Variants in ADGRL1 observed in about 807,000 individuals in gnomAD.
The protein encoded by ADGRL1 is CIRL-1.
ADGRL1 carries 31 observed loss-of-function variants against 148.9 expected under a neutral mutation model. The ratio of observed to expected loss-of-function variants is 0.21; its 90% confidence interval spans 0.16 to 0.28. The LOEUF is 0.28. Among genes scored for constraint, ADGRL1 ranks in the 10% least tolerant of loss-of-function variants. The pLI is 1.00. For synonymous variants in ADGRL1, 937 were observed against 900.3 expected (o/e 1.04, Z -0.73); for missense variants, 1,521 against 2,058.8 (o/e 0.74, Z 5.05).
intron 1 of ADGRL1, among the ~76,000 whole-genome samples, chr19:14,186,813 G>T (rs984055485): frequency 3.5e-4 from 54 of 152,172 alleles, no homozygotes; most frequent in Admixed American, 3.1e-3. Flanking sequence ...CAACATTCCA[G>T]TTCCAGTCCC....
chr19:14,161,749 G>T lies in ADGRL1; in HGVS notation c.1196-123C>A, dbSNP rs1313642963. 6.0e-6 allele frequency: 4 copies of T among 662,668 alleles called. No homozygotes were observed. The highest frequency in any genetic ancestry group is 6.7e-6 in the Non-Finnish European group (3 of 448,198). The allele number at this position is 662,668 out of a possible 1,614,324, so 41.0% of individuals were successfully genotyped here. A position where few individuals can be genotyped will look rare whatever the true frequency, so the allele number is the denominator to read the frequency against. On this transcript the variant is annotated intron_variant, in intron 5 of 22. Transcript: ENST00000361434. This position sits in a 1 kb window ranked among gnomAD's most constrained non-coding sequence, Gnocchi z 4.4. ...TCTACTGAAGTGGAAACACGTGCCGGGCCCCACTGGGTCTATGAGTTGATC... is the reference window on the plus strand; with the variant it reads ...TCTACTGAAGTGGAAACACGTGCCGTGCCCCACTGGGTCTATGAGTTGATC...
intron 1 of ADGRL1, among the ~76,000 whole-genome samples, chr19:14,185,627 G>C (rs1331414675): frequency 6.6e-6 from 1 of 152,140 alleles, no homozygotes; most frequent in African/African-American, 2.4e-5. Flanking sequence ...GCCCTGAAGC[G>C]TGGGAACCCC....
chr19:14,153,582 ATTTTTTTT>A (rs34163270), intron 18 of ADGRL1, among the ~76,000 whole-genome samples: 1 of 128,434 alleles, frequency 7.8e-6, no homozygotes, highest in African/African-American at 3.0e-5. Context: ...CACCTGGCTA[ATTTTTTTT>A]TTTTTTTTTG....
At position 14,155,013 on chromosome 19, in the gene ADGRL1, T is replaced by G. The variant is rs992549242; in HGVS notation, c.3294+346A>C. On this transcript the variant is annotated intron_variant, in intron 18 of 22. Coordinates refer to ENST00000361434, the MANE Select transcript of ADGRL1 (RefSeq NM_014921.5). This position sits in a 1 kb window ranked among gnomAD's most constrained non-coding sequence, Gnocchi z 5.0. ...ACAATTCTTTCCAGAACTATGAATG[T>G]AGGCAGTGCTCCCTCAGGGTGGCTC... The G allele has an allele frequency of 5.7e-6, 1 of 174,496 alleles. No homozygotes were observed. The highest frequency in any genetic ancestry group is 2.4e-5 in the African/African-American group (1 of 42,152). The allele number at this position is 174,496 out of a possible 1,614,324, so 10.8% of individuals were successfully genotyped here. A position where few individuals can be genotyped will look rare whatever the true frequency, so the allele number is the denominator to read the frequency against.
In ADGRL1 at chr19:14,158,554, TGGTGAGA is replaced by T; in HGVS notation, c.2150-9_2150-3del. On this transcript the variant is annotated splice_polypyrimidine_tract_variant and splice_region_variant and intron_variant, in intron 11 of 22. Transcript: ENST00000361434. ...GGATGAAGACAACTTTGACCACCCC[TGGTGAGA>T]ACAGGCACGTTTGGATGTGTCAGCA... 2 of 1,612,888 alleles carry T rather than the reference TGGTGAGA, an allele frequency of 1.2e-6. No individual in the cohort carries two copies. The highest frequency in any genetic ancestry group is 1.7e-6 in the Non-Finnish European group (2 of 1,179,210).
intron 4 of ADGRL1, among the ~76,000 whole-genome samples, chr19:14,167,277 G>A (rs1184918500): frequency 6.6e-6 from 1 of 152,024 alleles, no homozygotes; most frequent in Non-Finnish European, 1.5e-5. Context: ...CAGTCAGAGG[G>A]ACGAGGGGGA....
chr19:14,187,191 T>A (rs1971624612), intron 1 of ADGRL1, among the ~76,000 whole-genome samples: 1 of 151,916 alleles, frequency 6.6e-6, no homozygotes, highest in East Asian at 1.9e-4. Flanking sequence ...ACCAAAAAAT[T>A]AGCCGGGCGT....
At chr19:14,205,103 G>C (rs577291495) in intron 1 of ADGRL1, among the ~76,000 whole-genome samples, 1 of 152,144 alleles carries the variant, frequency 6.6e-6, no homozygotes, top group South Asian at 2.1e-4. Context: ...GCACTGGAGA[G>C]ATACCTGGGA....
At chr19:14,166,223 G>A (rs1047264370) in intron 4 of ADGRL1, among the ~76,000 whole-genome samples, 10 of 144,698 alleles carry the variant, frequency 6.9e-5, no homozygotes, top group East Asian at 2.1e-4. Context: ...CCCCAACCAC[G>A]AGGCCCGCCC....
Position 14,151,374 on chromosome 19 carries a change from G to A in ADGRL1, c.3909C>T (p.Pro1303=), listed in dbSNP as rs753785342. 2 of 1,602,380 alleles carry A rather than the reference G, an allele frequency of 1.2e-6. No individual in the cohort carries two copies. Among genetic ancestry groups the A allele is most frequent in the Non-Finnish European group, 1.7e-6 (2 of 1,175,286 alleles). Residue 1303 remains proline, a synonymous_variant, in exon 23 of 23, where the codon CCC becomes CCT. Transcript: ENST00000361434. The part of the protein sequence containing the change: ...SAAKGPPPPE[P]PVPPVPGGGG... ...CGCCCCCTGGCACAGGTGGCACAGG[G>A]GGCTCAGGCGGTGGAGGGCCCTTGG...
At chr19:14,203,631 A>AAG (rs1568246594) in intron 1 of ADGRL1, among the ~76,000 whole-genome samples, 1 of 127,946 alleles carries the variant, frequency 7.8e-6, no homozygotes, top group Non-Finnish European at 1.7e-5. Context: ...GGGTCCTCCA[A>AAG]GGCCCCCCAG....
Position 14,157,306 on chromosome 19 carries a change from T to G in ADGRL1, c.2690A>C (p.Asn897Thr), listed in dbSNP as rs781333888. 2 of 1,613,958 alleles carry G rather than the reference T, an allele frequency of 1.2e-6. No homozygotes were observed. The highest frequency in any genetic ancestry group is 1.1e-5 in the South Asian group (1 of 91,072). Residue 897 changes from asparagine to threonine, a missense_variant, in exon 14 of 23, where the codon AAC becomes ACC. Around this residue, in one of 8 missense-constraint regions of ADGRL1, gnomAD observed 26 missense variants for 75.0 expected, o/e 0.35. Transcript: ENST00000361434. This position sits in a 1 kb window ranked among gnomAD's most constrained non-coding sequence, Gnocchi z 7.5. ...GAAGAGCAGCTCAGCCAGGAAGAGG[T>G]TGATGCACAGGTTCTTGTGGATGGT... ...RNTIHKNLCI[N>T]LFLAELLFLV... is the part of the protein sequence containing the mutation.
At chr19:14,204,095 G>C (rs1972799275) in intron 1 of ADGRL1, among the ~76,000 whole-genome samples, 1 of 152,168 alleles carries the variant, frequency 6.6e-6, no homozygotes, top group Admixed American at 6.5e-5. Context: ...AATTCCAGAT[G>C]ATTTTTCATC....
chr19:14,185,777 C>T (rs1425930386), intron 1 of ADGRL1, among the ~76,000 whole-genome samples: 1 of 152,220 alleles, frequency 6.6e-6, no homozygotes, highest in African/African-American at 2.4e-5. Flanking sequence ...CTACCATTTC[C>T]CTGCTGAAAA....
chr19:14,155,553 A>C lies in ADGRL1; in HGVS notation c.3126-26T>G, dbSNP rs748119745. 3.7e-6 allele frequency: 6 copies of C among 1,611,674 alleles called. No individual in the cohort carries two copies. The highest frequency in any genetic ancestry group is 4.2e-6 in the Non-Finnish European group (5 of 1,179,358). ...CTGGGAGTGGGGCGACAGGGGAGTC[A>C]AAGTACCCGCCGGAGGGGACGGCCT... On this transcript the variant is annotated intron_variant, in intron 17 of 22. Coordinates refer to ENST00000361434, the MANE Select transcript of ADGRL1 (RefSeq NM_014921.5). The surrounding 1 kb of genome is among the most constrained non-coding windows in gnomAD (Gnocchi z 5.0).
At chr19:14,167,752 C>T (rs73509767) in intron 4 of ADGRL1, among the ~76,000 whole-genome samples, 8,429 of 140,292 alleles carry the variant, frequency 0.06, 555 homozygotes, top group African/African-American at 0.18. Context: ...GTTGGGGAGA[C>T]GGAGGCAGAG....
rs530247712 is a variant in ADGRL1, at chr19:14,149,329, T to G, written c.*1544A>C. On this transcript the variant is annotated 3_prime_UTR_variant, in exon 23 of 23. Coordinates refer to ENST00000361434, the MANE Select transcript of ADGRL1 (RefSeq NM_014921.5). ...AAGGTGGAGGATAGGGAAGGTGATC[T>G]CTCACCTTTGCCCCTCCCCATCCCC... The G allele has an allele frequency of 3.9e-5, 6 of 152,452 alleles. No homozygotes were observed. The highest frequency in any genetic ancestry group is 5.9e-5 in the Non-Finnish European group (4 of 68,096). 9.4% of individuals were successfully genotyped at this position (152,452 alleles called of 1,614,324 possible). A position where few individuals can be genotyped will look rare whatever the true frequency, so the allele number is the denominator to read the frequency against.
Position 14,202,619 on chromosome 19 carries a change from T to C in ADGRL1, c.-96+3366A>G, listed in dbSNP as rs558988594. On this transcript the variant is annotated intron_variant, in intron 1 of 22. Coordinates refer to ENST00000361434, the MANE Select transcript of ADGRL1 (RefSeq NM_014921.5). ...GTGTGAGCTCCATGAGGACAGGACA[T>C]GGCCACCACCCCCCATGGCGCCCCC... 5.5e-4 allele frequency among the ~76,000 whole-genome samples: 83 copies of C among 152,272 alleles called. 2 individuals are homozygous for C. The South Asian group carries it at 0.013, about 24-fold the overall frequency.
chr19:14,178,683 A>G (rs971341394), intron 2 of ADGRL1, among the ~76,000 whole-genome samples: 5 of 152,052 alleles, frequency 3.3e-5, no homozygotes, highest in Non-Finnish European at 5.9e-5. Context: ...TGTCCGGCTA[A>G]TTTTTTACAT....
Sources: gnomAD v4.1 joint callset for allele counts (sites outside exome capture counted in the v4.1 genomes callset) on GRCh38, gnomAD v4.1.1 for gene constraint, gnomAD v4.1.1 regional missense constraint, Gnocchi (gnomAD v3.1) non-coding constraint, MANE v1.5 for transcripts, NCBI Gene and HGNC (gene_info 2026-07-23, HGNC 2026-07-21) for gene names.